Variants in RBM4 observed in about 807,000 individuals in gnomAD.
RBM4 encodes the protein RNA binding motif protein 4, also known as RNA-binding protein 4.
RBM4 carries 7 observed loss-of-function variants against 29.5 expected under a neutral mutation model. The observed-to-expected ratio is 0.24, with a 90% confidence interval of 0.14 to 0.45. The LOEUF is 0.45. Among genes scored for constraint, RBM4 ranks in the 20% least tolerant of loss-of-function variants. The pLI is 1.00. For synonymous variants in RBM4, 220 were observed against 205.4 expected (o/e 1.07, Z -0.61); for missense variants, 387 against 502.3 (o/e 0.77, Z 2.19).
At chr11:66,651,104 T>G (rs971187918), downstream of RBM4, among the ~76,000 whole-genome samples, 1 of 151,948 alleles carries the variant, frequency 6.6e-6, no homozygotes, top group African/African-American at 2.4e-5. Context: ...GAGCTACACA[T>G]CAGTACTAAA....
chr11:66,640,511 C>A (rs1938398828), intron 2 of RBM4: 1 of 391,910 alleles, frequency 2.6e-6, no homozygotes, highest in Non-Finnish European at 4.5e-6. Context: ...CTGCATTTTA[C>A]GTGAAGAACC....
At chr11:66,656,493 T>G (rs1450780944) in intron 2 of RBM4, among the ~76,000 whole-genome samples, 5 of 151,944 alleles carry the variant, frequency 3.3e-5, no homozygotes, top group Admixed American at 3.3e-4. Context: ...GTCAGACTGG[T>G]CTCGAACTCC....
chr11:66,642,062 A>C (rs1938490468), intron 2 of RBM4, among the ~76,000 whole-genome samples: 1 of 152,220 alleles, frequency 6.6e-6, no homozygotes, highest in Non-Finnish European at 1.5e-5. Flanking sequence ...CTAGCACTTT[A>C]AGGCACTTAA....
At chr11:66,651,250 T>C (rs185558929), downstream of RBM4, among the ~76,000 whole-genome samples, 5 of 151,608 alleles carry the variant, frequency 3.3e-5, no homozygotes, top group African/African-American at 1.2e-4. Context: ...CATTCTGAGG[T>C]AAAGGAAATT....
At chr11:66,665,670 G>C (rs1939199013) in intron 2 of RBM4, 2 of 1,496,664 alleles carry the variant, frequency 1.3e-6, no homozygotes, top group South Asian at 2.5e-5. Context: ...CCTGTATTCC[G>C]GGGGGAAAAA....
intron 2 of RBM4, 101 bp downstream of exon 2, chr11:66,640,224 CT>C: frequency 6.7e-7 from 1 of 1,483,362 alleles, no homozygotes; most frequent in East Asian, 2.3e-5. Flanking sequence ...CAGCTGTTGG[CT>C]GGCTGGTGAT....
Position 66,643,995 on chromosome 11 carries a change from A to G in RBM4, c.958A>G (p.Thr320Ala), listed in dbSNP as rs751297542. ...PLRRATAPVPTVGEGYGYGHE... is the reference protein window; with the variant it reads ...PLRRATAPVPAVGEGYGYGHE... ...GCGTCGCGCTACAGCCCCAGTCCCC[A>G]CTGTTGGAGAGGGCTACGGTTACGG... Residue 320 changes from threonine (T) to alanine (A), a missense_variant, in exon 3 of 4, where the codon ACT (threonine) becomes GCT (alanine). Physicochemically the swap from Thr to Ala is moderately conservative, Grantham distance 58. Transcript: ENST00000310092. The surrounding 1 kb of genome is among the most constrained non-coding windows in gnomAD (Gnocchi z 6.1). The G allele has an allele frequency of 5.0e-6, 8 of 1,613,108 alleles. No individual in the cohort carries two copies. Among genetic ancestry groups the G allele is most frequent in the Non-Finnish European group, 6.8e-6 (8 of 1,179,932 alleles).
At chr11:66,657,218 G>A (rs1041451861) in intron 2 of RBM4, among the ~76,000 whole-genome samples, 3 of 150,390 alleles carry the variant, frequency 2.0e-5, no homozygotes, top group African/African-American at 7.4e-5. Context: ...GAGCTGAAGC[G>A]GTCTTCCCAT....
intron 2 of RBM4, among the ~76,000 whole-genome samples, chr11:66,651,965 A>G (rs1938841924): frequency 6.6e-6 from 1 of 152,072 alleles, no homozygotes; most frequent in South Asian, 2.1e-4. Context: ...TTTTGGGGGG[A>G]CATAAACACT....
At chr11:66,647,993 A>G (rs1384473874), downstream of RBM4, among the ~76,000 whole-genome samples, 1 of 152,112 alleles carries the variant, frequency 6.6e-6, no homozygotes, top group Non-Finnish European at 1.5e-5. Flanking sequence ...TCACGAGGTC[A>G]GGAGTTCGTG....
chr11:66,646,241 T>C lies in RBM4; in HGVS notation c.*223T>C. The C allele has an allele frequency of 1.3e-5, 18 of 1,423,718 alleles. No individual in the cohort carries two copies. The highest frequency in any genetic ancestry group is 1.7e-5 in the Non-Finnish European group (18 of 1,089,292). The allele number at this position is 1,423,718 out of a possible 1,614,324, so 88.2% of individuals were successfully genotyped here. On this transcript the variant is annotated 3_prime_UTR_variant, in exon 4 of 4. Coordinates refer to ENST00000310092, the MANE Select transcript of RBM4 (RefSeq NM_002896.4). ...GTTCTTCTGTCCTTCAATACTTCTG[T>C]AGCTTCCCATTCATGTTCTCTTCTC...
rs1454739692 is a variant in RBM4, at chr11:66,644,156, T to G, written c.*8+16T>G. The G allele has an allele frequency of 6.3e-7, 1 of 1,592,840 alleles. No individual in the cohort carries two copies. Among genetic ancestry groups the G allele is most frequent in the Non-Finnish European group, 8.6e-7 (1 of 1,169,174 alleles). ...AAAGCTTGAGGTGAGAGGGGTGGGG[T>G]GTTCCCTCTTCTGGTTTTGCCATCC... On this transcript the variant is annotated intron_variant, in intron 3 of 3. Coordinates refer to ENST00000310092, the MANE Select transcript of RBM4 (RefSeq NM_002896.4).
chr11:66,662,693 C>CA (rs1225437557), intron 2 of RBM4, among the ~76,000 whole-genome samples: 4 of 152,156 alleles, frequency 2.6e-5, no homozygotes, highest in African/African-American at 9.6e-5. Flanking sequence ...GTGAGTCACG[C>CA]ACCTGGTATA....
At chr11:66,656,370 G>A (rs1938949108) in intron 2 of RBM4, among the ~76,000 whole-genome samples, 2 of 152,120 alleles carry the variant, frequency 1.3e-5, no homozygotes. Flanking sequence ...TCGATCTCAT[G>A]ACCTTGTGAT....
intron 2 of RBM4, among the ~76,000 whole-genome samples, chr11:66,662,213 AACTC>A (rs1434418389): frequency 6.6e-6 from 1 of 152,154 alleles, no homozygotes; most frequent in Admixed American, 6.5e-5. Context: ...TTAAATAAAA[AACTC>A]AGTTTCTCAG....
At chr11:66,645,435 A>C (rs184678187) in intron 3 of RBM4, among the ~76,000 whole-genome samples, 1 of 152,322 alleles carries the variant, frequency 6.6e-6, no homozygotes, top group East Asian at 1.9e-4. Context: ...TTGGGTAGGC[A>C]GTCACTGATT....
In RBM4 at chr11:66,643,887, G is replaced by A; in HGVS notation, c.850G>A (p.Ala284Thr). ...CCTGTTGCCGACCTCAGGAGCTGCT[G>A]CCACAGCTGCTGCTGCAGCAGCAGC... ...RHLLPTSGAAATAAAAAAAAA... is the reference protein window; with the variant it reads ...RHLLPTSGAATTAAAAAAAAA... Residue 284 changes from alanine to threonine, a missense_variant, in exon 3 of 4, where the codon GCC becomes ACC. Physicochemically the swap from Ala to Thr is moderately conservative, Grantham distance 58. Around this residue, in one of 2 missense-constraint regions of RBM4, gnomAD observed 281 missense variants for 288.7 expected, o/e 0.97. Transcript: ENST00000310092. The surrounding 1 kb of genome is among the most constrained non-coding windows in gnomAD (Gnocchi z 6.1). 1.9e-6 allele frequency: 3 copies of A among 1,613,290 alleles called. No homozygotes were observed. The highest frequency in any genetic ancestry group is 1.1e-5 in the South Asian group (1 of 91,042).
chr11:66,655,329 AC>A (rs1159123473), intron 2 of RBM4, among the ~76,000 whole-genome samples: 2 of 146,456 alleles, frequency 1.4e-5, no homozygotes, highest in African/African-American at 5.1e-5. Flanking sequence ...TCACTCTGTC[AC>A]CCAGACTGCA....
At chr11:66,659,456 C>A (rs986315386) in intron 2 of RBM4, among the ~76,000 whole-genome samples, 3 of 151,484 alleles carry the variant, frequency 2.0e-5, no homozygotes. Flanking sequence ...TCTTTAGATA[C>A]AAAATTTAGA....
Sources: allele counts gnomAD v4.1 joint callset (sites outside exome capture counted in the v4.1 genomes callset), GRCh38; gene constraint gnomAD v4.1.1; regional missense constraint gnomAD v4.1.1; non-coding constraint Gnocchi (gnomAD v3.1); transcripts MANE v1.5; gene names NCBI Gene and HGNC (gene_info 2026-07-23, HGNC 2026-07-21).